The following USP53 variants were observed in gnomAD, a reference collection of about 807,000 sequenced individuals.
USP53 encodes the protein ubiquitin carboxyl-terminal hydrolase 53.
A neutral mutation model predicts 94.9 loss-of-function variants in USP53; 71 were observed. The ratio of observed to expected loss-of-function variants is 0.75; its 90% confidence interval spans 0.62 to 0.91. USP53 has a LOEUF of 0.91. Ranked by LOEUF, USP53 falls within the 40% of genes least tolerant of loss-of-function variation. The pLI is 0.00. For synonymous variants in USP53, 375 were observed against 422.7 expected (o/e 0.89, Z 1.39); for missense variants, 1,173 against 1,281.0 (o/e 0.92, Z 1.29).
At chr4:119,268,182 A>G (rs1751411702) in intron 13 of USP53, 86 bp from the exon 14 acceptor site, 1 of 1,413,656 alleles carries the variant, frequency 7.1e-7, no homozygotes, top group Admixed American at 2.4e-5. Context: ...TCAAAAAAAA[A>G]AAAAAAAAAA....
chr4:119,261,413 C>G (rs1474027850), intron 11 of USP53, among the ~76,000 whole-genome samples: 1 of 152,152 alleles, frequency 6.6e-6, no homozygotes. Context: ...TGGAATTTAT[C>G]TCATATTTTG....
rs572711542 is a variant in USP53 at position 119,250,695 on chromosome 4, G to A, written c.372+1813G>A. On this transcript the variant is annotated intron_variant, in intron 7 of 18. Transcript: ENST00000692078. ...CTTAAATATCCTGGGGCAGAGGAGA[G>A]AGAAGTTAGCTAATGAATAGAATCC... Among the ~76,000 whole-genome samples, 23 of 152,290 alleles carry A rather than the reference G, an allele frequency of 1.5e-4. No homozygotes were observed. In the South Asian group the frequency reaches 4.8e-3, roughly 32 times the overall value.
chr4:119,249,433 T>C, intron 7 of USP53, among the ~76,000 whole-genome samples: 1 of 152,124 alleles, frequency 6.6e-6, no homozygotes. Context: ...GTAAAATAGG[T>C]ATGTTAATTA....
chr4:119,221,700 G>C (rs914622589), intron 3 of USP53, among the ~76,000 whole-genome samples: 1 of 152,110 alleles, frequency 6.6e-6, no homozygotes, highest in African/African-American at 2.4e-5. Context: ...AGGGCAGAGA[G>C]AGAAGGGGAG....
chr4:119,221,491 A>G (rs1036788006), intron 3 of USP53: 2 of 152,112 alleles, frequency 1.3e-5, no homozygotes, highest in Non-Finnish European at 2.9e-5. Flanking sequence ...AAAAAAATTT[A>G]AAAAGCTGTT....
intron 5 of USP53, among the ~76,000 whole-genome samples, chr4:119,241,209 C>G (rs558043733): frequency 6.6e-6 from 1 of 152,208 alleles, no homozygotes; most frequent in South Asian, 2.1e-4. Context: ...TTACATGGAT[C>G]AAAACATTGA....
chr4:119,244,935 A>T (rs929782568), intron 5 of USP53, among the ~76,000 whole-genome samples: 33 of 152,284 alleles, frequency 2.2e-4, no homozygotes, highest in African/African-American at 6.7e-4. Context: ...CTGGCTTTAA[A>T]GTCTAATTAT....
Position 119,256,348 on chromosome 4 carries a change from C to A in USP53, c.475C>A (p.Leu159Met), listed in dbSNP as rs748517212. The change falls in exon 8 of 19, where the codon CTG becomes ATG. Residue 159 changes from leucine to methionine, a missense_variant. Coordinates refer to ENST00000692078, the MANE Select transcript of USP53 (RefSeq NM_001371395.1). Reference sequence around the variant, plus strand: ...CACTCACCAGAAGTTTGCTATGACTCTGTATGAACAGGTGAGATGGCTTGA... The same window carrying A: ...CACTCACCAGAAGTTTGCTATGACTATGTATGAACAGGTGAGATGGCTTGA... ...CITHQKFAMT[L>M]YEQCVCRSCG... 10 of 1,613,644 alleles carry A rather than the reference C, an allele frequency of 6.2e-6. No individual in the cohort carries two copies. The highest frequency in any genetic ancestry group is 8.5e-6 in the Non-Finnish European group (10 of 1,179,804).
intron 15 of USP53, among the ~76,000 whole-genome samples, chr4:119,270,139 G>A (rs1006502018): frequency 6.6e-6 from 1 of 150,848 alleles, no homozygotes; most frequent in African/African-American, 2.4e-5. Flanking sequence ...CTCTTGTCCA[G>A]CCTAGAGTGC....
chr4:119,281,335 T>G (rs1300877383), intron 17 of USP53, among the ~76,000 whole-genome samples: 1 of 152,204 alleles, frequency 6.6e-6, no homozygotes, highest in African/African-American at 2.4e-5. Context: ...ATATAATTTT[T>G]CACAATATAA....
chr4:119,283,589 T>G (rs1452680045), intron 17 of USP53, among the ~76,000 whole-genome samples: 1 of 151,758 alleles, frequency 6.6e-6, no homozygotes, highest in Non-Finnish European at 1.5e-5. Context: ...TCAAGAAATA[T>G]TTGAGAGATG....
Position 119,271,560 on chromosome 4 carries a change from G to A in USP53, c.1700G>A (p.Arg567Lys). 3 of 1,613,760 alleles carry A rather than the reference G, an allele frequency of 1.9e-6. No homozygotes were observed. Among genetic ancestry groups the A allele is most frequent in the Non-Finnish European group, 2.5e-6 (3 of 1,180,028 alleles). The stretch of plus-strand genomic sequence containing the variant: ...GACACAGACAGCAGCCAAGATTCTA[G>A]GGATAGAGGAAACAGCTGTGATAGC... The part of the protein sequence containing the change: ...GYDTDSSQDS[R>K]DRGNSCDSSS... The change falls in exon 16 of 19, where the codon AGG (arginine) becomes AAG (lysine). Residue 567 changes from arginine (R) to lysine (K), a missense_variant. Arg to Lys is a conservative substitution (Grantham distance 26). Transcript: ENST00000692078.
Position 119,271,412 on chromosome 4 carries a change from CA to C in USP53, c.1553del (p.His518LeufsTer14), listed in dbSNP as rs1751843486. 6.2e-7 allele frequency: 1 copy of C among 1,613,768 alleles called. No individual in the cohort carries two copies. The highest frequency in any genetic ancestry group is 8.5e-7 in the Non-Finnish European group (1 of 1,180,010). On this transcript the variant is annotated frameshift_variant, in exon 16 of 19. Transcript: ENST00000692078. LOFTEE classifies it high-confidence loss of function. ...YHSQGKGSYK[H>X]DRVVPQSRAS... ...TAGTCAAGGAAAAGGATCATATAAA[CA>C]TGACCGAGTTGTACCTCAGAGTCGA...
chr4:119,222,116 G>GT (rs1211708490), intron 3 of USP53, among the ~76,000 whole-genome samples: 3 of 151,816 alleles, frequency 2.0e-5, no homozygotes, highest in African/African-American at 7.3e-5. Flanking sequence ...TATAGGTTTA[G>GT]TTTTTTTATT....
chr4:119,223,376 A>T (rs1744809722), intron 3 of USP53, among the ~76,000 whole-genome samples: 1 of 152,214 alleles, frequency 6.6e-6, no homozygotes, highest in Non-Finnish European at 1.5e-5. Context: ...ATTCTAGGAA[A>T]GTGTACATTT....
chr4:119,273,688 A>G lies in USP53; in HGVS notation c.2231A>G (p.Gln744Arg), dbSNP rs778579225. 61 of 1,612,206 alleles carry G rather than the reference A, an allele frequency of 3.8e-5. 1 individual carries two copies. The Admixed American group carries it at 1.0e-3, about 26-fold the overall frequency. Residue 744 changes from glutamine (Q) to arginine (R), a missense_variant, in exon 17 of 19, where the codon CAG becomes CGG. Gln to Arg is a conservative substitution (Grantham distance 43). Transcript: ENST00000692078. ...NKERGDCTSLQSQHHLEGFRK... is the reference protein window; with the variant it reads ...NKERGDCTSLRSQHHLEGFRK... ...GAACGTGGGGACTGTACCTCCCTTC[A>G]GAGCCAACATCACTTAGAAGGTAAA... is the stretch of plus-strand genomic sequence containing the variant.
chr4:119,251,267 G>T (rs1235764999), intron 7 of USP53, among the ~76,000 whole-genome samples: 8 of 152,138 alleles, frequency 5.3e-5, no homozygotes, highest in African/African-American at 1.7e-4. Flanking sequence ...GTATTCCAAG[G>T]TGTATATGTG....
At chr4:119,227,491 G>C (rs1157286394) in intron 3 of USP53, among the ~76,000 whole-genome samples, 3 of 152,134 alleles carry the variant, frequency 2.0e-5, no homozygotes. Flanking sequence ...TTAGCCGGGC[G>C]TGGTGGCGGG....
intron 2 of USP53, among the ~76,000 whole-genome samples, chr4:119,214,517 T>C (rs1425879437): frequency 1.3e-5 from 2 of 152,004 alleles, no homozygotes; most frequent in African/African-American, 4.8e-5. Flanking sequence ...TAATAATCAA[T>C]TCGTTAATAT....
Sources: allele counts gnomAD v4.1 joint callset (sites outside exome capture counted in the v4.1 genomes callset), GRCh38; gene constraint gnomAD v4.1.1; transcripts MANE v1.5; gene names NCBI Gene and HGNC (gene_info 2026-07-23, HGNC 2026-07-21).